MECOM: variants seen among roughly 807,000 people sequenced by gnomAD.
The protein encoded by MECOM is MDS1 and EVI1 complex locus, also known as histone-lysine N-methyltransferase MECOM.
Under a neutral mutation model 116.3 loss-of-function variants are expected in MECOM, and 13 were observed. That is an observed-to-expected ratio of 0.11 (90% CI 0.07 to 0.18). MECOM has a LOEUF of 0.18. Among genes scored for constraint, MECOM ranks in the 10% least tolerant of loss-of-function variants. The pLI is 1.00. For synonymous variants in MECOM, 528 were observed against 535.2 expected (o/e 0.99, Z 0.19); for missense variants, 1,299 against 1,509.0 (o/e 0.86, Z 2.31).
At chr3:169,170,997 G>T (rs899637694) in intron 2 of MECOM, among the ~76,000 whole-genome samples, 1 of 152,090 alleles carries the variant, frequency 6.6e-6, no homozygotes, top group Non-Finnish European at 1.5e-5. Context: ...TGCTTTCAAT[G>T]TTGCTAAATT....
chr3:169,416,084 A>C (rs1288883615), intron 1 of MECOM, among the ~76,000 whole-genome samples: 1 of 152,226 alleles, frequency 6.6e-6, no homozygotes, highest in Non-Finnish European at 1.5e-5. Flanking sequence ...TCTTCTCAGC[A>C]ACACATAGCA....
chr3:169,217,716 G>A (rs1056525498), intron 2 of MECOM, among the ~76,000 whole-genome samples: 1 of 151,880 alleles, frequency 6.6e-6, no homozygotes, highest in Non-Finnish European at 1.5e-5. Context: ...CCCAGGAGGT[G>A]GAGATTGCAG....
At chr3:169,588,915 C>T (rs183960512) in intron 1 of MECOM, among the ~76,000 whole-genome samples, 7 of 151,998 alleles carry the variant, frequency 4.6e-5, no homozygotes, top group Admixed American at 2.0e-4. Context: ...ACATCTCCTA[C>T]GGAAAAGTAA....
intron 1 of MECOM, among the ~76,000 whole-genome samples, chr3:169,527,953 A>T (rs1323787669): frequency 6.6e-6 from 1 of 152,186 alleles, no homozygotes; most frequent in Non-Finnish European, 1.5e-5. Context: ...GTGCATACTT[A>T]GGCGTGTGCA....
At chr3:169,338,597 A>AGG (rs1258424097) in intron 2 of MECOM, among the ~76,000 whole-genome samples, 22 of 120,358 alleles carry the variant, frequency 1.8e-4, no homozygotes, top group Admixed American at 3.6e-4. Context: ...TATTTATGTT[A>AGG]GGGGTGTGTG....
At chr3:169,605,656 G>A (rs990397965) in intron 1 of MECOM, among the ~76,000 whole-genome samples, 1 of 152,188 alleles carries the variant, frequency 6.6e-6, no homozygotes, top group Admixed American at 6.6e-5. Flanking sequence ...GTGTGATCAG[G>A]TGAGGATGCA....
At chr3:169,101,705 C>T (rs1240634383) in intron 11 of MECOM, among the ~76,000 whole-genome samples, 2 of 152,002 alleles carry the variant, frequency 1.3e-5, no homozygotes, top group African/African-American at 2.4e-5. Context: ...TTCTTTAATG[C>T]CATGACAATT....
chr3:169,410,422 A>G (rs910785489), intron 1 of MECOM, among the ~76,000 whole-genome samples: 2 of 152,212 alleles, frequency 1.3e-5, no homozygotes, highest in Non-Finnish European at 2.9e-5. Flanking sequence ...GGCCTTTGGC[A>G]GCTTACAAGA....
intron 2 of MECOM, among the ~76,000 whole-genome samples, chr3:169,206,059 C>T (rs960901109): frequency 1.1e-4 from 16 of 152,152 alleles, no homozygotes. Flanking sequence ...AATGTCCACT[C>T]TTCCTGTTTC....
chr3:169,138,235 T>C (rs929492712), intron 3 of MECOM, among the ~76,000 whole-genome samples: 5 of 152,104 alleles, frequency 3.3e-5, no homozygotes, highest in Non-Finnish European at 5.9e-5. Flanking sequence ...AGGCGATATA[T>C]ACATGCAAAC....
chr3:169,185,852 T>G (rs1467021052), intron 2 of MECOM, among the ~76,000 whole-genome samples: 1 of 152,236 alleles, frequency 6.6e-6, no homozygotes, highest in African/African-American at 2.4e-5. Flanking sequence ...CTCTCATTCT[T>G]CTCTCTGCCC....
intron 2 of MECOM, among the ~76,000 whole-genome samples, chr3:169,371,314 G>A (rs971814071): frequency 1.3e-5 from 2 of 151,888 alleles, no homozygotes; most frequent in Admixed American, 1.3e-4. Context: ...AGTAAAAAAT[G>A]ATAGGAACAG....
At chr3:169,529,614 C>T (rs1294165573) in intron 1 of MECOM, among the ~76,000 whole-genome samples, 1 of 152,198 alleles carries the variant, frequency 6.6e-6, no homozygotes, top group Non-Finnish European at 1.5e-5. Context: ...GATCTAAGAA[C>T]AATTCCAAAT....
intron 2 of MECOM, among the ~76,000 whole-genome samples, chr3:169,291,840 G>T (rs781100259): frequency 6.6e-6 from 1 of 152,128 alleles, no homozygotes; most frequent in Non-Finnish European, 1.5e-5. Context: ...CTAAATTTGA[G>T]TATCATCTTG....
At chr3:169,455,578 C>T (rs1746343693) in intron 1 of MECOM, among the ~76,000 whole-genome samples, 1 of 152,146 alleles carries the variant, frequency 6.6e-6, no homozygotes, top group Non-Finnish European at 1.5e-5. Flanking sequence ...GAATGACTCT[C>T]ATAATTCCGG....
At chr3:169,315,893 C>T (rs576836314) in intron 2 of MECOM, among the ~76,000 whole-genome samples, 4 of 152,008 alleles carry the variant, frequency 2.6e-5, no homozygotes, top group Non-Finnish European at 5.9e-5. Context: ...GGCATAGCCC[C>T]ATAACATAAA....
chr3:169,537,650 A>G (rs1759552522), intron 1 of MECOM, among the ~76,000 whole-genome samples: 1 of 152,092 alleles, frequency 6.6e-6, no homozygotes, highest in African/African-American at 2.4e-5. Context: ...TTTAATATAC[A>G]GTGCTGGAAA....
Position 169,084,109 on chromosome 3 carries a change from C to A in MECOM, c.*800G>T, listed in dbSNP as rs749826003. 2 of 231,538 alleles carry A rather than the reference C, an allele frequency of 8.6e-6. No individual in the cohort carries two copies. Among genetic ancestry groups the A allele is most frequent in the Non-Finnish European group, 1.7e-5 (2 of 117,040 alleles). The allele number at this position is 231,538 out of a possible 1,614,324, so 14.3% of individuals were successfully genotyped here. A position where few individuals can be genotyped will look rare whatever the true frequency, so the allele number is the denominator to read the frequency against. Reference sequence around the variant, plus strand: ...TAATCAACAAACAATAGTTTGCCAACAAATAAATACATGATACACGCAACA... The same window carrying A: ...TAATCAACAAACAATAGTTTGCCAAAAAATAAATACATGATACACGCAACA... On this transcript the variant is annotated 3_prime_UTR_variant, in exon 17 of 17. Transcript: ENST00000651503.
intron 1 of MECOM, among the ~76,000 whole-genome samples, chr3:169,661,436 CAG>C (rs1367318645): frequency 2.6e-5 from 4 of 152,022 alleles, no homozygotes; most frequent in African/African-American, 9.7e-5. Flanking sequence ...TAAAAGCAAA[CAG>C]GGAAAACAGT....
Sources: allele counts gnomAD v4.1 joint callset (sites outside exome capture counted in the v4.1 genomes callset), GRCh38; gene constraint gnomAD v4.1.1; transcripts MANE v1.5; gene names NCBI Gene and HGNC (gene_info 2026-07-23, HGNC 2026-07-21).